The following CNGA1 variants were observed in gnomAD, a reference collection of about 807,000 sequenced individuals.
CNGA1 encodes the protein cyclic nucleotide gated channel subunit alpha 1, also known as cyclic nucleotide-gated channel alpha-1.
A neutral mutation model predicts 69.7 loss-of-function variants in CNGA1; 53 were observed. The observed-to-expected ratio is 0.76, with a 90% CI of 0.61 to 0.96. The LOEUF is 0.96. Among genes scored for constraint, CNGA1 ranks in the 40% least tolerant of loss-of-function variants. The probability of loss-of-function intolerance (pLI) is 0.00; values close to 1 mark genes in which losing one functional copy is unlikely to be tolerated. For missense variants in CNGA1, 739 were observed against 811.2 expected, an observed-to-expected ratio of 0.91 and a Z score of 1.08; for synonymous variants, 249 against 283.5, an observed-to-expected ratio of 0.88 and a Z score of 1.22.
In CNGA1 at chr4:47,951,467, G is replaced by GAGC. The variant is rs1739737546; in HGVS notation, c.108-1_109dup (p.Ser36_Ser37insCys). Reference sequence around the variant, plus strand: ...GGCACTGTCATCATCCTCAGAAAAGGAGCTACAGTCCAATAGGAGGCAGAG... The same window carrying GAGC: ...GGCACTGTCATCATCCTCAGAAAAGGAGCAGCTACAGTCCAATAGGAGGCAGAG... On this transcript the variant is annotated inframe_insertion and splice_region_variant, in exon 5 of 11. Transcript: ENST00000514170. 6.2e-7 allele frequency: 1 copy of GAGC among 1,600,164 alleles called. No homozygotes were observed.
In CNGA1 at chr4:47,936,436, G is replaced by C; in HGVS notation, c.2046C>G (p.Pro682=). The C allele has an allele frequency of 6.2e-7, 1 of 1,614,106 alleles. No individual in the cohort carries two copies. Among genetic ancestry groups the C allele is most frequent in the East Asian group, 2.2e-5 (1 of 44,882 alleles). Residue 682 remains proline (P), a synonymous_variant, in exon 11 of 11, where the codon CCC becomes CCG. Transcript: ENST00000514170. ...CTTTTCGGTTCTATGTAGAGTCGAT[G>C]GGCCCACTTTCCGCTCCAGGTCCCT... ...SIEGPGAESG[P]IDST
chr4:47,936,537 G>A lies in CNGA1; in HGVS notation c.1945C>T (p.Gln649Ter). The A allele has an allele frequency of 6.2e-7, 1 of 1,614,148 alleles. No individual in the cohort carries two copies. The highest frequency in any genetic ancestry group is 1.1e-5 in the South Asian group (1 of 91,084). Residue 649 changes from glutamine (Q) to a stop codon, truncating the protein, a stop_gained, in exon 11 of 11, where the codon CAG becomes TAG. Transcript: ENST00000514170. LOFTEE classifies it high-confidence loss of function. ...RILAEYESMQQKLKQRLTKVE... is the reference protein window; with the variant it reads ...RILAEYESMQ ...TTGGTTAATCTTTGTTTCAGTTTCT[G>A]CTGCATGGACTCATACTCAGCCAAG...
At chr4:47,998,299 T>A (rs1714484250) in intron 2 of CNGA1, among the ~76,000 whole-genome samples, 1 of 151,916 alleles carries the variant, frequency 6.6e-6, no homozygotes, top group Non-Finnish European at 1.5e-5. Flanking sequence ...TGCAGAGAGG[T>A]CTTTTCCAGT....
At chr4:47,975,499 CAAAT>C in intron 3 of CNGA1, among the ~76,000 whole-genome samples, 1 of 152,114 alleles carries the variant, frequency 6.6e-6, no homozygotes, top group East Asian at 1.9e-4. Context: ...CTAAAACAAA[CAAAT>C]AACCCAATAT....
chr4:47,962,104 G>C (rs989039997), intron 3 of CNGA1, among the ~76,000 whole-genome samples: 2 of 152,086 alleles, frequency 1.3e-5, no homozygotes, highest in Non-Finnish European at 2.9e-5. Flanking sequence ...CCAGAACTTT[G>C]GGAGGCCAAG....
chr4:47,992,657 ATTATTTATTTAT>A (rs144346141), intron 2 of CNGA1, among the ~76,000 whole-genome samples: 8 of 145,352 alleles, frequency 5.5e-5, no homozygotes, highest in Middle Eastern at 6.9e-3. Flanking sequence ...GATGCCATTT[ATTATTTATTTAT>A]TTATTTATTT....
chr4:47,971,168 T>TTGTGTGTG lies in CNGA1; in HGVS notation c.-15+10217_-15+10224dup, dbSNP rs34771990. Reference sequence around the variant, plus strand: ...TACATATATATGTAAATATCTATATTTGTGTGTGTGTGTGTGTGTGTGTGT... The same window carrying TTGTGTGTG: ...TACATATATATGTAAATATCTATATTTGTGTGTGTGTGTGTGTGTGTGTGTGTGTGTGT... On this transcript the variant is annotated intron_variant, in intron 3 of 10. Transcript: ENST00000514170. 262 of 385,670 alleles carry TTGTGTGTG rather than the reference T, an allele frequency of 6.8e-4. 1 individual carries two copies. The highest frequency in any genetic ancestry group is 2.2e-3 in the East Asian group (28 of 12,648). The allele number at this position is 385,670 out of a possible 1,614,324, so 23.9% of individuals were successfully genotyped here.
chr4:47,958,872 T>C (rs78169581), intron 3 of CNGA1, among the ~76,000 whole-genome samples: 2,867 of 152,330 alleles, frequency 0.019, 35 homozygotes, highest in Non-Finnish European at 0.025. Flanking sequence ...AAGTTTTAAC[T>C]GAGTACCTTA....
intron 10 of CNGA1, among the ~76,000 whole-genome samples, chr4:47,938,173 CA>C (rs10717851): frequency 0.7 from 88,125 of 126,278 alleles, 29,351 homozygotes; most frequent in South Asian, 0.74. Flanking sequence ...GACCCTGTCT[CA>C]AAAAAAAAAA....
chr4:47,975,886 C>T (rs920226324), intron 3 of CNGA1, among the ~76,000 whole-genome samples: 2 of 151,802 alleles, frequency 1.3e-5, no homozygotes, highest in Admixed American at 6.6e-5. Context: ...TTCATTGACT[C>T]AGAAAGTATT....
rs1335003618 is a variant in CNGA1 at position 47,940,755 on chromosome 4, A to G, written c.652+8T>C. ...AATTTTAAAATATTCAAAACTGAAC[A>G]TATTTACCTGTCCTTGTTCGTACAA... On this transcript the variant is annotated splice_region_variant and intron_variant, in intron 10 of 10. Transcript: ENST00000514170. 6.6e-7 allele frequency: 1 copy of G among 1,515,198 alleles called. No individual in the cohort carries two copies. Among genetic ancestry groups the G allele is most frequent in the Non-Finnish European group, 9.2e-7 (1 of 1,090,922 alleles). The allele number at this position is 1,515,198 out of a possible 1,614,324, so 93.9% of individuals were successfully genotyped here.
intron 2 of CNGA1, among the ~76,000 whole-genome samples, chr4:47,992,526 C>G (rs1383361502): frequency 6.6e-6 from 1 of 151,938 alleles, no homozygotes; most frequent in Non-Finnish European, 1.5e-5. Context: ...TTGTATCCGG[C>G]AATTTTGCTG....
chr4:47,954,539 A>G (rs1984713), intron 3 of CNGA1, among the ~76,000 whole-genome samples: 54,176 of 152,064 alleles, frequency 0.36, 10,028 homozygotes, highest in East Asian at 0.59. Flanking sequence ...AAGGGGAATC[A>G]GAAAACCTTC....
intron 1 of CNGA1, among the ~76,000 whole-genome samples, chr4:48,015,770 C>T (rs1301939678): frequency 6.6e-6 from 1 of 152,124 alleles, no homozygotes; most frequent in African/African-American, 2.4e-5. Flanking sequence ...CCACATCTGG[C>T]TAATTTTTGT....
At chr4:47,981,627 T>C (rs1208666456) in intron 2 of CNGA1, 127 bp from the exon 3 acceptor site, 1 of 152,226 alleles carries the variant, frequency 6.6e-6, no homozygotes, top group Non-Finnish European at 1.5e-5. Flanking sequence ...AGGATTTTCA[T>C]GACTCGGCAT....
intron 3 of CNGA1, among the ~76,000 whole-genome samples, chr4:47,970,441 G>A (rs912863611): frequency 3.3e-5 from 5 of 151,678 alleles, no homozygotes; most frequent in African/African-American, 1.2e-4. Context: ...ACCTGAGGTC[G>A]GGATTTCGAG....
At chr4:47,989,631 C>T (rs1191394580) in intron 2 of CNGA1, among the ~76,000 whole-genome samples, 2 of 151,998 alleles carry the variant, frequency 1.3e-5, no homozygotes. Flanking sequence ...AAATTTAGCA[C>T]CTGATTTAAA....
At chr4:47,952,778 A>G (rs1739825502) in intron 3 of CNGA1, 75 bp from the exon 4 acceptor site, 2 of 1,149,568 alleles carry the variant, frequency 1.7e-6, no homozygotes, top group Non-Finnish European at 2.4e-6. Flanking sequence ...GTTTCACCCT[A>G]TGTATTAGTC....
At chr4:47,995,669 G>A (rs962105651) in intron 2 of CNGA1, among the ~76,000 whole-genome samples, 1 of 151,928 alleles carries the variant, frequency 6.6e-6, no homozygotes, top group Non-Finnish European at 1.5e-5. Context: ...TTCTCAGCTT[G>A]GATCCATTGC....
Sources: allele counts gnomAD v4.1 joint callset (sites outside exome capture counted in the v4.1 genomes callset), GRCh38; gene constraint gnomAD v4.1.1; transcripts MANE v1.5; gene names NCBI Gene and HGNC (gene_info 2026-07-23, HGNC 2026-07-21).